The following NELL1 variants were observed in gnomAD, a reference collection of about 807,000 sequenced individuals.
NELL1 encodes protein kinase C-binding protein NELL1.
Under a neutral mutation model 107.4 loss-of-function variants are expected in NELL1, and 76 were observed. That is an observed-to-expected ratio of 0.71 (90% CI 0.59 to 0.86). The LOEUF (loss-of-function observed/expected upper bound fraction) is 0.86, where lower values mean the gene tolerates loss of function less well. Ranked by LOEUF, NELL1 falls within the 40% of genes least tolerant of loss-of-function variation. NELL1 has a pLI of 0.00. For missense variants in NELL1, 1,024 were observed against 1,005.5 expected, an observed-to-expected ratio of 1.02 and a Z score of -0.25; for synonymous variants, 353 against 341.2, an observed-to-expected ratio of 1.03 and a Z score of -0.38.
intron 12 of NELL1, among the ~76,000 whole-genome samples, chr11:20,999,694 C>T (rs1349937504): frequency 6.7e-6 from 1 of 148,236 alleles, no homozygotes; most frequent in Non-Finnish European, 1.5e-5. Context: ...CTAAAAAGTT[C>T]ATTATATAAA....
chr11:20,872,713 T>TGTGTGTGTGTG (rs1590368084), intron 4 of NELL1, among the ~76,000 whole-genome samples: 1 of 149,656 alleles, frequency 6.7e-6, no homozygotes, highest in Admixed American at 6.6e-5. Flanking sequence ...TGTGTGTGTG[T>TGTGTGTGTGTG]AGTCTATGCT....
chr11:20,711,310 T>G (rs1855108166), intron 2 of NELL1, among the ~76,000 whole-genome samples: 1 of 152,152 alleles, frequency 6.6e-6, no homozygotes, highest in South Asian at 2.1e-4. Context: ...AGTGGATACT[T>G]GGTTGGTAGA....
intron 13 of NELL1, among the ~76,000 whole-genome samples, chr11:21,207,492 C>G (rs1347198754): frequency 6.6e-6 from 1 of 151,986 alleles, no homozygotes; most frequent in African/African-American, 2.4e-5. Context: ...AGAAACAGAC[C>G]CACATCACAC....
intron 2 of NELL1, among the ~76,000 whole-genome samples, chr11:20,702,193 G>T (rs1178413546): frequency 2.0e-5 from 3 of 152,030 alleles, no homozygotes; most frequent in East Asian, 3.9e-4. Context: ...ATTGAGCAGT[G>T]GTTTGTAGTC....
chr11:21,007,975 C>T (rs538101203), intron 12 of NELL1, among the ~76,000 whole-genome samples: 86 of 152,196 alleles, frequency 5.7e-4, no homozygotes, highest in Non-Finnish European at 1.0e-3. Context: ...AGAGACATAT[C>T]AAGGAATTCA....
intron 12 of NELL1, among the ~76,000 whole-genome samples, chr11:20,992,669 T>C (rs1852000493): frequency 6.6e-6 from 1 of 151,908 alleles, no homozygotes; most frequent in Non-Finnish European, 1.5e-5. Context: ...GCTGTTGCCA[T>C]TGGATTGGAA....
intron 15 of NELL1, among the ~76,000 whole-genome samples, chr11:21,475,400 C>T (rs1388386924): frequency 6.6e-6 from 1 of 152,128 alleles, no homozygotes; most frequent in Admixed American, 6.6e-5. Context: ...CTTTCCACTC[C>T]TATAGGAGGA....
chr11:20,933,836 C>A (rs57427030), intron 9 of NELL1, among the ~76,000 whole-genome samples: 51 of 152,164 alleles, frequency 3.4e-4, no homozygotes, highest in African/African-American at 1.1e-3. Flanking sequence ...AGGTGTCTGT[C>A]GGTGCAAAAA....
intron 15 of NELL1, among the ~76,000 whole-genome samples, chr11:21,513,354 A>G (rs1365153952): frequency 6.6e-6 from 1 of 152,184 alleles, no homozygotes; most frequent in Admixed American, 6.6e-5. Flanking sequence ...CTCTTTTGCA[A>G]AGAAGTCATT....
chr11:21,206,239 G>A (rs1233059990), intron 13 of NELL1, among the ~76,000 whole-genome samples: 2 of 152,060 alleles, frequency 1.3e-5, no homozygotes. Context: ...GGTGGCTCCT[G>A]GTATGCCTTG....
At chr11:20,815,987 G>A (rs537184650) in intron 3 of NELL1, among the ~76,000 whole-genome samples, 2 of 152,020 alleles carry the variant, frequency 1.3e-5, no homozygotes, top group Admixed American at 1.3e-4. Context: ...CATTTTCAGG[G>A]TCTCCATTCT....
rs529249712 is a variant in NELL1 at position 21,506,983 on chromosome 11, C to T, written c.1646-27391C>T. Among the ~76,000 whole-genome samples the T allele has an allele frequency of 2.0e-5, 3 of 152,282 alleles. No individual in the cohort carries two copies. The South Asian group carries it at 6.2e-4, about 32-fold the overall frequency. The stretch of plus-strand genomic sequence containing the variant: ...ATTGGATGCATATTATTTCAAGGAA[C>T]TCTGTGGGCTCATACTTGTATATTT... On this transcript the variant is annotated intron_variant, in intron 15 of 19. Coordinates refer to ENST00000357134, the MANE Select transcript of NELL1 (RefSeq NM_006157.5).
At chr11:21,377,849 G>A (rs184959552) in intron 15 of NELL1, among the ~76,000 whole-genome samples, 40 of 151,936 alleles carry the variant, frequency 2.6e-4, no homozygotes, top group Admixed American at 9.8e-4. Context: ...TAGCCTGTGC[G>A]GATCTTTTGT....
intron 14 of NELL1, among the ~76,000 whole-genome samples, chr11:21,355,316 T>C (rs1326568164): frequency 6.6e-6 from 1 of 152,178 alleles, no homozygotes; most frequent in African/African-American, 2.4e-5. Context: ...CTATATGAAT[T>C]AACCTAGAGA....
At chr11:20,723,892 C>T (rs909089045) in intron 2 of NELL1, among the ~76,000 whole-genome samples, 5 of 152,242 alleles carry the variant, frequency 3.3e-5, no homozygotes, top group African/African-American at 9.6e-5. Flanking sequence ...CTCTTGACTT[C>T]TGCACACCCA....
chr11:20,845,463 C>A (rs1349119865), intron 3 of NELL1, among the ~76,000 whole-genome samples: 1 of 152,134 alleles, frequency 6.6e-6, no homozygotes, highest in Non-Finnish European at 1.5e-5. Flanking sequence ...TTGATTGAAG[C>A]CCTTTCAAGG....
chr11:20,713,558 C>T (rs549283266), intron 2 of NELL1, among the ~76,000 whole-genome samples: 15 of 152,302 alleles, frequency 9.8e-5, no homozygotes, highest in African/African-American at 3.4e-4. Context: ...AAAGTTCCCA[C>T]TGAGAAAGAA....
intron 2 of NELL1, among the ~76,000 whole-genome samples, chr11:20,686,714 C>T (rs1854313883): frequency 6.6e-6 from 1 of 152,126 alleles, no homozygotes; most frequent in Non-Finnish European, 1.5e-5. Context: ...AGTTAGGTTA[C>T]AGTTTACTAT....
At chr11:21,011,677 A>T (rs1022508822) in intron 12 of NELL1, among the ~76,000 whole-genome samples, 2 of 152,058 alleles carry the variant, frequency 1.3e-5, no homozygotes, top group Non-Finnish European at 2.9e-5. Flanking sequence ...ATGAACGGAG[A>T]TCTTAGGTTT....
Sources: gnomAD v4.1 joint callset for allele counts (sites outside exome capture counted in the v4.1 genomes callset) on GRCh38, gnomAD v4.1.1 for gene constraint, MANE v1.5 for transcripts, NCBI Gene and HGNC (gene_info 2026-07-23, HGNC 2026-07-21) for gene names.